Variants in USP6 observed in about 807,000 individuals in gnomAD.
USP6 encodes ubiquitin specific peptidase 6.
In USP6, 128 loss-of-function variants were observed where a neutral mutation model predicts 175.7. That is an observed-to-expected ratio of 0.73 (90% CI 0.63 to 0.84). The LOEUF is 0.84. USP6 is among the 40% of genes least tolerant of loss of function. The pLI, the probability that USP6 is intolerant of heterozygous loss-of-function variation, is 0.00. For missense variants in USP6, 1,498 were observed against 1,760.3 expected, an observed-to-expected ratio of 0.85 and a Z score of 2.67; for synonymous variants, 562 against 630.6, an observed-to-expected ratio of 0.89 and a Z score of 1.63.
intron 24 of USP6, 37 bp from the exon 25 acceptor site, chr17:5,142,360 G>T: frequency 6.3e-7 from 1 of 1,597,688 alleles, no homozygotes; most frequent in East Asian, 2.2e-5. Context: ...TGATTTATGA[G>T]AATCTTTGGC....
chr17:5,125,677 T>TGCAC, intron 5 of USP6, 144 bp from the exon 6 acceptor site: 1 of 99,830 alleles, frequency 1.0e-5, no homozygotes, highest in African/African-American at 3.6e-5. Context: ...CACACGCACA[T>TGCAC]GCACACACAC....
intron 28 of USP6, among the ~76,000 whole-genome samples, chr17:5,146,712 A>G (rs1296859844): frequency 2.0e-5 from 3 of 152,178 alleles, no homozygotes; most frequent in African/African-American, 7.2e-5. Flanking sequence ...TGCAACTGCT[A>G]TTATTTATAT....
rs572276874 is a variant in USP6, at chr17:5,164,216, T to C, written c.3036+1212T>C. The stretch of plus-strand genomic sequence containing the variant: ...GGTAACTGACTTTTCTGTCTTGTTA[T>C]GCTATGGAGGACTGGGGAAACTACC... On this transcript the variant is annotated intron_variant, in intron 33 of 37. Transcript: ENST00000574788. Among the ~76,000 whole-genome samples the C allele has an allele frequency of 5.3e-5, 8 of 152,374 alleles. No homozygotes were observed. In the South Asian group the frequency reaches 1.4e-3, roughly 28 times the overall value.
chr17:5,164,915 A>G (rs2074069928), intron 33 of USP6, among the ~76,000 whole-genome samples: 2 of 152,222 alleles, frequency 1.3e-5, no homozygotes, highest in Non-Finnish European at 2.9e-5. Context: ...TCATCATAGC[A>G]TTTTTTAGGA....
At position 5,139,303 on chromosome 17, in the gene USP6, G is replaced by A. The variant is rs1159208593; in HGVS notation, c.1127G>A (p.Arg376His). 19 of 1,608,502 alleles carry A rather than the reference G, an allele frequency of 1.2e-5. No homozygotes were observed. The highest frequency in any genetic ancestry group is 1.7e-4 in the Middle Eastern group (1 of 6,018). Reference protein sequence around the residue: ...SLAPRPVPASRGGKTLCKGYR... With the variant: ...SLAPRPVPASHGGKTLCKGYR... ...GCACCCAGGCCTGTGCCGGCTTCAC[G>A]TGGTGGGAAGACCCTCTGCAAGGGG... is the stretch of plus-strand genomic sequence containing the variant. The change falls in exon 22 of 38, where the codon CGT becomes CAT. Residue 376 changes from arginine (R) to histidine (H), a missense_variant. Around this residue, in one of 2 missense-constraint regions of USP6, gnomAD observed 1,217 missense variants for 1,500.8 expected, o/e 0.81. Coordinates refer to ENST00000574788, the MANE Select transcript of USP6 (RefSeq NM_001304284.2).
In USP6 at chr17:5,133,940, G is replaced by A. The variant is rs1159150074; in HGVS notation, c.438G>A (p.Leu146=). The A allele has an allele frequency of 3.7e-6, 6 of 1,614,158 alleles. No homozygotes were observed. The South Asian group carries it at 4.4e-5, about 12-fold the overall frequency. The change falls in exon 15 of 38, where the codon CTG becomes CTA. Residue 146 remains leucine (L), a synonymous_variant. Transcript: ENST00000574788. ...RSSEHIHHID[L]DVRTTLRNHV... ...CTGAACACATCCACCACATCGACCTGGACGTGAGGACGACTCTCCGGAACC... is the reference window on the plus strand; with the variant it reads ...CTGAACACATCCACCACATCGACCTAGACGTGAGGACGACTCTCCGGAACC...
intron 30 of USP6, among the ~76,000 whole-genome samples, chr17:5,155,185 C>G (rs2073854785): frequency 6.6e-6 from 1 of 152,110 alleles, no homozygotes; most frequent in Non-Finnish European, 1.5e-5. Context: ...TTGCTGAAAC[C>G]CAAGTTTGAT....
At chr17:5,126,956 C>T (rs2143794201) in intron 6 of USP6, 2 of 152,318 alleles carry the variant, frequency 1.3e-5, no homozygotes, top group Admixed American at 1.3e-4. Flanking sequence ...ACGTGGCTGC[C>T]AGCTTCCATC....
At chr17:5,135,076 A>G in intron 15 of USP6, 158 bp from the exon 16 acceptor site, 3 of 807,008 alleles carry the variant, frequency 3.7e-6, no homozygotes, top group Non-Finnish European at 6.3e-6. Flanking sequence ...TGTGGATTTT[A>G]CTGAAACATT....
At chr17:5,164,658 A>T (rs1324739505) in intron 33 of USP6, among the ~76,000 whole-genome samples, 1 of 152,244 alleles carries the variant, frequency 6.6e-6, no homozygotes, top group African/African-American at 2.4e-5. Flanking sequence ...TGATGCACTT[A>T]GGATACCATG....
chr17:5,118,769 G>C (rs1191625431), intron 2 of USP6, among the ~76,000 whole-genome samples: 10 of 152,176 alleles, frequency 6.6e-5, no homozygotes, highest in Non-Finnish European at 1.5e-5. Flanking sequence ...AGCTAGAGAG[G>C]GGGTAGAAAG....
chr17:5,174,385 T>C lies in USP6; in HGVS notation c.*1407T>C, dbSNP rs946864894. On this transcript the variant is annotated 3_prime_UTR_variant, in exon 38 of 38. Transcript: ENST00000574788. ...CTTCCTCATAGGTAGTAATTACCAA[T>C]GTAACTAAGCATTTGTGTTCTGATA... The C allele has an allele frequency of 3.7e-5, 7 of 190,868 alleles. No individual in the cohort carries two copies. Among genetic ancestry groups the C allele is most frequent in the Non-Finnish European group, 6.6e-5 (6 of 90,968 alleles). 11.8% of individuals were successfully genotyped at this position (190,868 alleles called of 1,614,324 possible).
At chr17:5,153,785 AGCTGGGACTACAGGC>A (rs1204593329) in intron 30 of USP6, among the ~76,000 whole-genome samples, 2 of 152,030 alleles carry the variant, frequency 1.3e-5, no homozygotes, top group Non-Finnish European at 2.9e-5. Context: ...CCTCCCAAGT[AGCTGGGACTACAGGC>A]GCGTGCCACC....
chr17:5,164,270 C>T (rs2074058929), intron 33 of USP6, among the ~76,000 whole-genome samples: 1 of 152,190 alleles, frequency 6.6e-6, no homozygotes, highest in South Asian at 2.1e-4. Flanking sequence ...CTATTTAGAT[C>T]CCAAAATATG....
At chr17:5,164,679 GCTGTTGATGC>G (rs2074066048) in intron 33 of USP6, among the ~76,000 whole-genome samples, 1 of 152,246 alleles carries the variant, frequency 6.6e-6, no homozygotes, top group South Asian at 2.1e-4. Context: ...GAAACGAAGG[GCTGTTGATGC>G]CTTGCTAGGG....
At chr17:5,150,218 G>T (rs2073725017) in intron 30 of USP6, among the ~76,000 whole-genome samples, 1 of 151,748 alleles carries the variant, frequency 6.6e-6, no homozygotes, top group African/African-American at 2.4e-5. Context: ...CTTGAACCTG[G>T]GAGGTGGAGG....
rs1237535458 is a variant in USP6, at chr17:5,168,921, A to T, written c.3383A>T (p.Asp1128Val). 3.7e-6 allele frequency: 6 copies of T among 1,613,790 alleles called. No individual in the cohort carries two copies. The highest frequency in any genetic ancestry group is 3.4e-6 in the Non-Finnish European group (4 of 1,179,858). Residue 1128 changes from aspartate (D) to valine (V), a missense_variant, in exon 35 of 38, where the codon GAT becomes GTT. Transcript: ENST00000574788. ...CATAAACCACTCACACCCCAGGGGG[A>T]TGAGCTCTCCAAGCCCAGGATTCTG... ...CQHKPLTPQG[D>V]ELSKPRILAR...
intron 34 of USP6, among the ~76,000 whole-genome samples, 173 bp from the exon 35 acceptor site, chr17:5,168,594 C>T (rs1190187292): frequency 6.6e-6 from 1 of 152,180 alleles, no homozygotes; most frequent in Non-Finnish European, 1.5e-5. Context: ...TGCACTAGGG[C>T]CTGTGTAGAG....
Position 5,132,130 on chromosome 17 carries a change from G to T in USP6, c.156-266G>T, listed in dbSNP as rs2073088497. 1.5e-6 allele frequency: 2 copies of T among 1,300,052 alleles called. 1 individual carries two copies. Among genetic ancestry groups the T allele is most frequent in the African/African-American group, 3.0e-5 (2 of 67,428 alleles). The allele number at this position is 1,300,052 out of a possible 1,614,324, so 80.5% of individuals were successfully genotyped here. ...CACCACCTCAAGTCCAGGATGGGCA[G>T]CCCCACTGTGGCCTGACCACCCCCC... On this transcript the variant is annotated intron_variant, in intron 11 of 37. Coordinates refer to ENST00000574788, the MANE Select transcript of USP6 (RefSeq NM_001304284.2). This position sits in a 1 kb window ranked among gnomAD's most constrained non-coding sequence, Gnocchi z 4.7.
Sources: allele counts gnomAD v4.1 joint callset (sites outside exome capture counted in the v4.1 genomes callset), GRCh38; gene constraint gnomAD v4.1.1; regional missense constraint gnomAD v4.1.1; non-coding constraint Gnocchi (gnomAD v3.1); transcripts MANE v1.5; gene names NCBI Gene and HGNC (gene_info 2026-07-23, HGNC 2026-07-21).